Variants in GRIK1 observed in about 807,000 individuals in gnomAD.
GRIK1 encodes glutamate ionotropic receptor kainate type subunit 1.
A neutral mutation model predicts 105.7 loss-of-function variants in GRIK1; 69 were observed. The observed-to-expected ratio is 0.65, with a 90% CI of 0.54 to 0.80. The LOEUF is 0.80. Ranked by LOEUF, GRIK1 falls within the 30% of genes least tolerant of loss-of-function variation. The pLI, the probability that GRIK1 is intolerant of heterozygous loss-of-function variation, is 0.00. For missense variants in GRIK1, 1,109 were observed against 1,167.3 expected (o/e 0.95, Z 0.73); for synonymous variants, 438 against 431.3 (o/e 1.02, Z -0.19).
At chr21:29,569,692 A>T (rs1481843203) in intron 14 of GRIK1, among the ~76,000 whole-genome samples, 4 of 152,188 alleles carry the variant, frequency 2.6e-5, no homozygotes, top group Non-Finnish European at 5.9e-5. Context: ...CATTATCATG[A>T]CTATTCTTTC....
intron 1 of GRIK1, among the ~76,000 whole-genome samples, chr21:29,792,637 G>T (rs2066449943): frequency 6.6e-6 from 1 of 152,202 alleles, no homozygotes; most frequent in Non-Finnish European, 1.5e-5. Context: ...TGTCCACTAT[G>T]GTTAATTAAA....
At chr21:29,887,733 T>C (rs958992501) in intron 1 of GRIK1, among the ~76,000 whole-genome samples, 7 of 152,128 alleles carry the variant, frequency 4.6e-5, no homozygotes, top group East Asian at 3.9e-4. Context: ...GCATTTTTTT[T>C]CCTTAGGCTT....
intron 1 of GRIK1, among the ~76,000 whole-genome samples, chr21:29,896,666 A>G (rs1331513483): frequency 6.6e-6 from 1 of 152,230 alleles, no homozygotes; most frequent in East Asian, 1.9e-4. Flanking sequence ...GTCAGGAAAT[A>G]CACTGTATTC....
chr21:29,899,540 CCT>C (rs1491425544), intron 1 of GRIK1, among the ~76,000 whole-genome samples: 1 of 136,292 alleles, frequency 7.3e-6, no homozygotes, highest in Non-Finnish European at 1.6e-5. Context: ...TGCTGCTTTA[CCT>C]TTTTTTTTTT....
intron 1 of GRIK1, among the ~76,000 whole-genome samples, chr21:29,854,299 C>G (rs2068395149): frequency 6.6e-6 from 1 of 151,780 alleles, no homozygotes; most frequent in Non-Finnish European, 1.5e-5. Context: ...GGTGATAGCA[C>G]CAAGCTATTC....
At chr21:29,910,359 T>G (rs1452663796) in intron 1 of GRIK1, among the ~76,000 whole-genome samples, 1 of 152,120 alleles carries the variant, frequency 6.6e-6, no homozygotes, top group Non-Finnish European at 1.5e-5. Context: ...TTGTTCACAC[T>G]TATATCTCAG....
intron 1 of GRIK1, among the ~76,000 whole-genome samples, chr21:29,892,131 C>T (rs2069925533): frequency 6.6e-6 from 1 of 152,216 alleles, no homozygotes; most frequent in Admixed American, 6.5e-5. Flanking sequence ...CACAGGCTTT[C>T]CATTAGGCAA....
chr21:29,581,648 A>G (rs1028735688), intron 12 of GRIK1, 105 bp from the exon 13 acceptor site: 1 of 669,480 alleles, frequency 1.5e-6, no homozygotes, highest in African/African-American at 1.8e-5. Flanking sequence ...AATTAATCAC[A>G]AAAGCTTCAA....
At chr21:29,790,213 C>G (rs2066374899) in intron 1 of GRIK1, among the ~76,000 whole-genome samples, 1 of 152,052 alleles carries the variant, frequency 6.6e-6, no homozygotes, top group Admixed American at 6.6e-5. Flanking sequence ...CCACTCCCAG[C>G]AATTTTTGTA....
rs533395460 is a variant in GRIK1 at position 29,779,602 on chromosome 21, G to A, written c.119-85539C>T. Among the ~76,000 whole-genome samples, 7 of 152,152 alleles carry A rather than the reference G, an allele frequency of 4.6e-5. No homozygotes were observed. In the South Asian group the frequency reaches 1.2e-3, roughly 27 times the overall value. Reference sequence around the variant, plus strand: ...AGTGGACTTTAGGTCAATTGAAGAGGTAAGTAATAAACTATATAAGGGGAG... The same window carrying A: ...AGTGGACTTTAGGTCAATTGAAGAGATAAGTAATAAACTATATAAGGGGAG... On this transcript the variant is annotated intron_variant, in intron 1 of 17. Coordinates refer to ENST00000327783, the MANE Select transcript of GRIK1 (RefSeq NM_001330994.2).
chr21:29,693,870 G>T, intron 2 of GRIK1, 26 bp downstream of exon 2: 1 of 1,572,478 alleles, frequency 6.4e-7, no homozygotes, highest in Admixed American at 1.7e-5. Context: ...ACCCAAAGAA[G>T]CTTTTAAAAG....
chr21:29,596,518 G>T lies in GRIK1; in HGVS notation c.1251+8C>A. On this transcript the variant is annotated splice_region_variant and intron_variant, in intron 9 of 17. Coordinates refer to ENST00000327783, the MANE Select transcript of GRIK1 (RefSeq NM_001330994.2). ...CAGGTTTCCTGCAGTTGTTGTCAGA[G>T]TACAAACCTTCTTCCACACTTTATA... is the stretch of plus-strand genomic sequence containing the variant. 6.3e-7 allele frequency: 1 copy of T among 1,595,148 alleles called. No individual in the cohort carries two copies. Among genetic ancestry groups the T allele is most frequent in the Non-Finnish European group, 8.6e-7 (1 of 1,162,700 alleles).
At chr21:29,720,555 G>A (rs1295213284) in intron 1 of GRIK1, among the ~76,000 whole-genome samples, 1 of 151,900 alleles carries the variant, frequency 6.6e-6, no homozygotes, top group Non-Finnish European at 1.5e-5. Context: ...CATCTCAATG[G>A]CATATGGAGC....
chr21:29,576,872 CTT>C (rs1185539201), intron 14 of GRIK1, 90 bp downstream of exon 14: 6 of 730,530 alleles, frequency 8.2e-6, no homozygotes, highest in Non-Finnish European at 8.8e-6. Context: ...ATCTTTTTTT[CTT>C]TTTTCTTTTT....
intron 1 of GRIK1, among the ~76,000 whole-genome samples, chr21:29,756,666 G>A (rs1406010678): frequency 5.3e-5 from 8 of 149,952 alleles, no homozygotes; most frequent in African/African-American, 1.7e-4. Flanking sequence ...CAAGACAGAG[G>A]AAATCCTTAC....
chr21:29,931,291 G>T (rs2071555354), intron 1 of GRIK1, among the ~76,000 whole-genome samples: 1 of 152,096 alleles, frequency 6.6e-6, no homozygotes, highest in Non-Finnish European at 1.5e-5. Flanking sequence ...CAGTTTTTCA[G>T]ATTTTCCTTG....
chr21:29,746,387 C>T (rs1380845168), intron 1 of GRIK1, among the ~76,000 whole-genome samples: 1 of 152,212 alleles, frequency 6.6e-6, no homozygotes, highest in Non-Finnish European at 1.5e-5. Context: ...AGGACAAATA[C>T]AGATAGTGAC....
intron 1 of GRIK1, among the ~76,000 whole-genome samples, chr21:29,698,666 T>G (rs1254325027): frequency 6.6e-6 from 1 of 152,178 alleles, no homozygotes; most frequent in Admixed American, 6.5e-5. Context: ...CCAGTCTTTA[T>G]AGACTGGAAA....
chr21:29,653,282 T>C (rs1269913013), intron 5 of GRIK1, among the ~76,000 whole-genome samples: 1 of 152,210 alleles, frequency 6.6e-6, no homozygotes, highest in Non-Finnish European at 1.5e-5. Context: ...TAGAGATTCA[T>C]AGTACATAGA....
Sources: allele counts gnomAD v4.1 joint callset (sites outside exome capture counted in the v4.1 genomes callset), GRCh38; gene constraint gnomAD v4.1.1; transcripts MANE v1.5; gene names NCBI Gene and HGNC (gene_info 2026-07-23, HGNC 2026-07-21).